The following AGBL1 variants were observed in gnomAD, a reference collection of about 807,000 sequenced individuals.
AGBL1 encodes the protein AGBL carboxypeptidase 1, also known as cytosolic carboxypeptidase 4.
AGBL1 carries 130 observed loss-of-function variants against 118.9 expected under a neutral mutation model. The ratio of observed to expected loss-of-function variants is 1.09; its 90% CI spans 0.95 to 1.26. The LOEUF (loss-of-function observed/expected upper bound fraction) is 1.26. AGBL1 is among the 50% of genes most tolerant of loss of function. The pLI, the probability that AGBL1 is intolerant of heterozygous loss-of-function variation, is 0.00. For synonymous variants in AGBL1, 555 were observed against 478.9 expected (o/e 1.16, Z -2.08); for missense variants, 1,584 against 1,298.1 (o/e 1.22, Z -3.38).
intron 21 of AGBL1, among the ~76,000 whole-genome samples, chr15:86,637,485 G>C (rs954218018): frequency 6.6e-6 from 1 of 152,192 alleles, no homozygotes; most frequent in Non-Finnish European, 1.5e-5. Flanking sequence ...AGATAGTTCA[G>C]AGAGGAGGAA....
chr15:86,706,678 G>A (rs899279644), intron 22 of AGBL1, among the ~76,000 whole-genome samples: 11 of 152,122 alleles, frequency 7.2e-5, no homozygotes, highest in Non-Finnish European at 1.6e-4. Flanking sequence ...CTAACACCAT[G>A]CTGTTCTCCT....
In AGBL1 at chr15:86,266,558, A is replaced by T. The variant is rs540864575; in HGVS notation, c.1751+101A>T. 5.8e-5 allele frequency: 48 copies of T among 833,388 alleles called. No homozygotes were observed. The South Asian group carries it at 9.3e-4, about 16-fold the overall frequency. The allele number at this position is 833,388 out of a possible 1,614,324, so 51.6% of individuals were successfully genotyped here. On this transcript the variant is annotated intron_variant, in intron 12 of 22. Coordinates refer to ENST00000614907, the MANE Select transcript of AGBL1 (RefSeq NM_001386094.1). ...TGTTAATAATCCACTCCTCCTCCTAAAACAGCATGATGAAAATCCAGGTTA... is the reference window on the plus strand; with the variant it reads ...TGTTAATAATCCACTCCTCCTCCTATAACAGCATGATGAAAATCCAGGTTA...
At chr15:86,704,852 A>T (rs2086419843) in intron 22 of AGBL1, among the ~76,000 whole-genome samples, 1 of 152,206 alleles carries the variant, frequency 6.6e-6, no homozygotes, top group South Asian at 2.1e-4. Flanking sequence ...TTGCAGCACT[A>T]TTTACAATAG....
intron 21 of AGBL1, among the ~76,000 whole-genome samples, chr15:86,625,731 A>C (rs1392861757): frequency 6.6e-6 from 1 of 152,158 alleles, no homozygotes; most frequent in Non-Finnish European, 1.5e-5. Flanking sequence ...AACACATTTT[A>C]ATAATACTCA....
At chr15:86,587,324 C>T (rs2142344074) in intron 21 of AGBL1, among the ~76,000 whole-genome samples, 1 of 152,292 alleles carries the variant, frequency 6.6e-6, no homozygotes, top group African/African-American at 2.4e-5. Flanking sequence ...TCCTTGGCCT[C>T]CTCTCAGAGT....
intron 22 of AGBL1, among the ~76,000 whole-genome samples, chr15:86,899,662 A>C (rs56256627): frequency 0.067 from 10,175 of 152,210 alleles, 400 homozygotes; most frequent in African/African-American, 0.1. Flanking sequence ...ATTTTACCTC[A>C]CATGAAGACA....
At chr15:86,626,362 A>G (rs1037496871) in intron 21 of AGBL1, among the ~76,000 whole-genome samples, 1 of 152,186 alleles carries the variant, frequency 6.6e-6, no homozygotes, top group African/African-American at 2.4e-5. Context: ...TTGCAGGAAC[A>G]TGGATGGAGC....
intron 17 of AGBL1, among the ~76,000 whole-genome samples, chr15:86,304,500 A>G (rs994449522): frequency 6.6e-6 from 1 of 152,308 alleles, no homozygotes; most frequent in Admixed American, 6.5e-5. Context: ...CCATGAAAGC[A>G]CAGACTATAT....
intron 17 of AGBL1, among the ~76,000 whole-genome samples, chr15:86,311,271 T>C (rs2079916821): frequency 6.6e-6 from 1 of 152,152 alleles, no homozygotes; most frequent in South Asian, 2.1e-4. Flanking sequence ...TCAGAATAGT[T>C]AGTCTATTAT....
chr15:86,492,525 G>A (rs1299818156), intron 18 of AGBL1, among the ~76,000 whole-genome samples: 1 of 151,568 alleles, frequency 6.6e-6, no homozygotes, highest in Admixed American at 6.6e-5. Flanking sequence ...GGGAGGCGGA[G>A]GTTGCAGTGA....
chr15:86,886,245 C>T (rs2079969594), intron 22 of AGBL1, among the ~76,000 whole-genome samples: 3 of 152,168 alleles, frequency 2.0e-5, no homozygotes, highest in African/African-American at 7.2e-5. Context: ...GTATATTTGC[C>T]TATGGCAAGT....
intron 17 of AGBL1, among the ~76,000 whole-genome samples, chr15:86,344,484 C>T (rs1026536557): frequency 1.3e-5 from 2 of 151,980 alleles, no homozygotes; most frequent in African/African-American, 2.4e-5. Flanking sequence ...ACTGGCTGTG[C>T]AGCCATGTAG....
In AGBL1 at chr15:86,934,534, T is replaced by TAA. The variant is rs5814265; in HGVS notation, c.3222-53443_3222-53442dup. 6.0e-3 allele frequency among the ~76,000 whole-genome samples: 901 copies of TAA among 149,038 alleles called. 6 individuals are homozygous for TAA. The highest frequency in any genetic ancestry group is 8.9e-3 in the South Asian group (42 of 4,704). On this transcript the variant is annotated intron_variant, in intron 23 of 24. Coordinates refer to the AGBL1 transcript ENST00000441037. Reference sequence around the variant, plus strand: ...TCTCCATTTCAAACCTTATATAGGTTAAAAAAAAAAAGTAAATAGCAGAAC... The same window carrying TAA: ...TCTCCATTTCAAACCTTATATAGGTTAAAAAAAAAAAAAGTAAATAGCAGAAC...
At chr15:86,943,776 A>C (rs2080783406) in intron 23 of AGBL1, among the ~76,000 whole-genome samples, 1 of 152,110 alleles carries the variant, frequency 6.6e-6, no homozygotes, top group East Asian at 1.9e-4. Flanking sequence ...TTGCTTATCT[A>C]TGCTTGCAGC....
chr15:86,793,496 G>A (rs574293439), intron 22 of AGBL1, among the ~76,000 whole-genome samples: 2 of 152,110 alleles, frequency 1.3e-5, no homozygotes, highest in Admixed American at 6.6e-5. Context: ...AGACCTAAGA[G>A]TGAAAACTAT....
intron 19 of AGBL1, among the ~76,000 whole-genome samples, chr15:86,540,102 A>G (rs1168157740): frequency 1.3e-5 from 2 of 152,232 alleles, no homozygotes; most frequent in Non-Finnish European, 2.9e-5. Flanking sequence ...AAATGAGCAT[A>G]ATAATAGCAC....
At chr15:86,953,158 T>G (rs1236121073) in intron 23 of AGBL1, among the ~76,000 whole-genome samples, 2 of 152,214 alleles carry the variant, frequency 1.3e-5, no homozygotes, top group Non-Finnish European at 2.9e-5. Flanking sequence ...TGGCTCTTTT[T>G]TGGTTGCATG....
At chr15:86,536,186 T>A (rs549271813) in intron 19 of AGBL1, among the ~76,000 whole-genome samples, 1 of 152,334 alleles carries the variant, frequency 6.6e-6, no homozygotes, top group South Asian at 2.1e-4. Context: ...AAAACTACAT[T>A]TAATTGAATT....
chr15:86,311,738 C>G (rs2079924532), intron 17 of AGBL1, among the ~76,000 whole-genome samples: 1 of 152,146 alleles, frequency 6.6e-6, no homozygotes, highest in South Asian at 2.1e-4. Context: ...ACATCAACAC[C>G]AGAAAGCTCA....
Sources: gnomAD v4.1 joint callset for allele counts (sites outside exome capture counted in the v4.1 genomes callset) on GRCh38, gnomAD v4.1.1 for gene constraint, MANE v1.5 for transcripts, NCBI Gene and HGNC (gene_info 2026-07-23, HGNC 2026-07-21) for gene names.